Variants in MYH7B observed in about 807,000 individuals in gnomAD.
MYH7B encodes the protein myosin-7B.
A neutral mutation model predicts 234.5 loss-of-function variants in MYH7B; 205 were observed. That is an observed-to-expected ratio of 0.87 (90% CI 0.78 to 0.98). The LOEUF is 0.98. Among genes scored for constraint, MYH7B ranks in the 50% least tolerant of loss-of-function variants. The pLI is 0.00. For synonymous variants in MYH7B, 1,193 were observed against 1,105.0 expected, an observed-to-expected ratio of 1.08 and a Z score of -1.58; for missense variants, 2,652 against 2,633.4, an observed-to-expected ratio of 1.01 and a Z score of -0.15.
At chr20:34,978,016 T>G (rs1349193186) in exon 5 of MYH7B, 19 of 1,614,070 alleles carry the variant, frequency 1.2e-5, no homozygotes, top group Non-Finnish European at 1.5e-5. Context: ...ATGATGGATG[T>G]GAGTGAACTT....
At chr20:34,966,530 C>T (rs2081743509) in intron 2 of MYH7B, among the ~76,000 whole-genome samples, 1 of 152,044 alleles carries the variant, frequency 6.6e-6, no homozygotes, top group Admixed American at 6.6e-5. Flanking sequence ...ATTGTTAGAA[C>T]TGTTCAGTGT....
At chr20:34,987,670 G>A (rs749585221) in exon 17 of MYH7B, 2 of 1,612,920 alleles carry the variant, frequency 1.2e-6, no homozygotes, top group Non-Finnish European at 1.7e-6. Context: ...CCAGAGTGTG[G>A]AGCAGGTGAG....
chr20:34,963,810 C>T (rs2081719823), intron 2 of MYH7B, among the ~76,000 whole-genome samples: 2 of 152,092 alleles, frequency 1.3e-5, no homozygotes, highest in South Asian at 4.1e-4. Flanking sequence ...TATTTCTAAG[C>T]AATATATGAC....
chr20:34,972,395 G>GGT (rs1466762707), intron 2 of MYH7B, among the ~76,000 whole-genome samples: 1 of 151,758 alleles, frequency 6.6e-6, no homozygotes, highest in African/African-American at 2.4e-5. Flanking sequence ...GGCACTCTCT[G>GGT]GTCTCACCTT....
exon 36 of MYH7B, chr20:34,999,059 A>G (rs2082317180): frequency 6.2e-7 from 1 of 1,607,426 alleles, no homozygotes; most frequent in Non-Finnish European, 8.5e-7. Context: ...GGCCTAGAAA[A>G]AAGCTGGCAC....
intron 32 of MYH7B, among the ~76,000 whole-genome samples, 182 bp downstream of exon 32, chr20:34,997,822 C>T (rs547396832): frequency 2.0e-5 from 3 of 152,148 alleles, no homozygotes; most frequent in African/African-American, 7.2e-5. Context: ...CCGTGACTCC[C>T]AAGCCCTGTT....
At chr20:34,998,130 CAGT>C (rs530600640) in intron 32 of MYH7B, among the ~76,000 whole-genome samples, 162 bp from the exon 33 acceptor site, 51 of 152,226 alleles carry the variant, frequency 3.4e-4, no homozygotes, top group Non-Finnish European at 6.8e-4. Flanking sequence ...TTAAGCCCAG[CAGT>C]AGAATCTCTT....
chr20:35,001,121 G>A lies in MYH7B; in HGVS notation c.5438G>A (p.Arg1813His), dbSNP rs757810338. The A allele has an allele frequency of 1.4e-5, 23 of 1,613,688 alleles. No homozygotes were observed. Among genetic ancestry groups the A allele is most frequent in the East Asian group, 6.7e-5 (3 of 44,868 alleles). The change falls in exon 41 of 45, where the codon CGT becomes CAT. Residue 1813 changes from arginine (R) to histidine (H), a missense_variant. By Grantham distance (29) the Arg-to-His change is conservative. Transcript: ENST00000262873. ...GAGGAGGCAGAACAGGCCGCCCTCCGTGGCGGGAAGAAGCAGGTGCAGAAG... is the reference window on the plus strand; with the variant it reads ...GAGGAGGCAGAACAGGCCGCCCTCCATGGCGGGAAGAAGCAGGTGCAGAAG...
At chr20:34,996,838 T>C in intron 30 of MYH7B, 80 bp downstream of exon 30, 2 of 1,545,268 alleles carry the variant, frequency 1.3e-6, no homozygotes, top group Non-Finnish European at 1.7e-6. Context: ...TTGTGGTTCC[T>C]GCGGCATTGC....
Position 34,998,974 on chromosome 20 carries a change from CCGCT to C in MYH7B, c.4190+60_4190+63del, listed in dbSNP as rs2082315071. ...AGAGCTTTATGCCTGTGCCTGAGCC[CCGCT>C]GAGGGTGGGTGAAGGGAGCTGCTGG... On this transcript the variant is annotated intron_variant, in intron 35 of 44. Coordinates refer to ENST00000262873, the Ensembl canonical transcript of MYH7B. 3.8e-5 allele frequency: 60 copies of C among 1,584,620 alleles called. No homozygotes were observed. In the South Asian group the frequency reaches 6.7e-4, roughly 18 times the overall value.
Position 34,990,626 on chromosome 20 carries a change from A to T in MYH7B, c.1978-112A>T, listed in dbSNP as rs141383026. On this transcript the variant is annotated intron_variant, in intron 22 of 44. Transcript: ENST00000262873. ...ATCACCAGAATGAGAGTGAAAGAGC[A>T]AAAGTGCAGGGCACTTAGGGCCCTG... 70 of 974,372 alleles carry T rather than the reference A, an allele frequency of 7.2e-5. No homozygotes were observed. In the African/African-American group the frequency reaches 9.9e-4, roughly 14 times the overall value. 60.4% of individuals were successfully genotyped at this position (974,372 alleles called of 1,614,324 possible).
In MYH7B at chr20:34,998,721, CA is replaced by C. The variant is rs1569061935; in HGVS notation, c.3998del (p.Lys1333ArgfsTer103). 1 of 1,611,296 alleles carries C rather than the reference CA, an allele frequency of 6.2e-7. No homozygotes were observed. Among genetic ancestry groups the C allele is most frequent in the East Asian group, 2.2e-5 (1 of 44,820 alleles). ...TGAGGTCACTGGTGTCCCTGCAGGC[CA>C]AGAGTGCCCTGGCCCACGCCGTGCA... is the stretch of plus-strand genomic sequence containing the variant. On this transcript the variant is annotated frameshift_variant, in exon 35 of 45. Coordinates refer to ENST00000262873, the Ensembl canonical transcript of MYH7B. LOFTEE classifies it high-confidence loss of function.
Position 34,981,019 on chromosome 20 carries a change from T to C in MYH7B, c.500-14T>C. 1 of 1,613,900 alleles carries C rather than the reference T, an allele frequency of 6.2e-7. No homozygotes were observed. Among genetic ancestry groups the C allele is most frequent in the Non-Finnish European group, 8.5e-7 (1 of 1,179,954 alleles). On this transcript the variant is annotated splice_polypyrimidine_tract_variant and intron_variant, in intron 8 of 44. Transcript: ENST00000262873. ...ACCTTGGCTGACTTCTCTATCCCCTTCCCTTTCCTCCAGACCGAGACAACC... is the reference window on the plus strand; with the variant it reads ...ACCTTGGCTGACTTCTCTATCCCCTCCCCTTTCCTCCAGACCGAGACAACC...
rs918405854 is a variant in MYH7B at position 34,984,555 on chromosome 20, G to C, written c.625-137G>C. ...AGGAGGGTCAGGCCGAGGGGCTGAG[G>C]GTGGGGGCCATGCATTCCGGTGACT... On this transcript the variant is annotated intron_variant, in intron 10 of 44. Coordinates refer to ENST00000262873, the Ensembl canonical transcript of MYH7B. The C allele has an allele frequency of 9.3e-6, 7 of 749,870 alleles. No homozygotes were observed. In the South Asian group the frequency reaches 1.1e-4, roughly 12 times the overall value. 46.5% of individuals were successfully genotyped at this position (749,870 alleles called of 1,614,324 possible).
At chr20:34,967,765 G>C (rs2081756485) in intron 2 of MYH7B, among the ~76,000 whole-genome samples, 3 of 152,224 alleles carry the variant, frequency 2.0e-5, no homozygotes, top group Non-Finnish European at 2.9e-5. Flanking sequence ...GGGCACGGGA[G>C]AGTGTTTGTT....
intron 9 of MYH7B, chr20:34,981,454 CTG>C: frequency 4.4e-6 from 1 of 226,606 alleles, no homozygotes; most frequent in Non-Finnish European, 8.6e-6. Context: ...TCCATTGCCT[CTG>C]TGGGAAAATG....
At chr20:34,998,011 A>G (rs2082296333) in intron 32 of MYH7B, among the ~76,000 whole-genome samples, 1 of 151,984 alleles carries the variant, frequency 6.6e-6, no homozygotes, top group African/African-American at 2.4e-5. Flanking sequence ...CATAATCCTG[A>G]CAGCTGACCT....
chr20:34,986,821 ATTG>A (rs976256276), intron 14 of MYH7B, 62 bp from the exon 15 acceptor site: 17 of 1,373,912 alleles, frequency 1.2e-5, no homozygotes, highest in Admixed American at 1.2e-4. Context: ...CTATGCTGCA[ATTG>A]TTGTGGGGAG....
At chr20:35,001,319 T>G (rs754332817) in exon 42 of MYH7B, 9 of 1,611,868 alleles carry the variant, frequency 5.6e-6, no homozygotes, top group Non-Finnish European at 6.8e-6. Flanking sequence ...TGCGCAAGCA[T>G]GAGCGCCGTG....
Sources: allele counts gnomAD v4.1 joint callset (sites outside exome capture counted in the v4.1 genomes callset), GRCh38; gene constraint gnomAD v4.1.1; transcripts MANE v1.5; gene names NCBI Gene and HGNC (gene_info 2026-07-23, HGNC 2026-07-21).